PASD1: variants seen among roughly 807,000 people sequenced by gnomAD.
PASD1 encodes PAS domain containing repressor 1.
In PASD1, 13 loss-of-function variants were observed where a neutral mutation model predicts 58.8. The observed-to-expected ratio is 0.22, with a 90% CI of 0.14 to 0.35. The LOEUF is 0.35. Among genes scored for constraint, PASD1 ranks in the 10% least tolerant of loss-of-function variants. PASD1 has a pLI of 1.00. For synonymous variants in PASD1, 236 were observed against 216.7 expected (o/e 1.09, Z -0.78); for missense variants, 734 against 568.3 (o/e 1.29, Z -2.96).
intron 1 of PASD1, among the ~76,000 whole-genome samples, chrX:151,567,006 T>C (rs1393760699): frequency 9.2e-6 from 1 of 108,407 alleles, no homozygotes; most frequent in Non-Finnish European, 1.9e-5. Context: ...ATTGCACCAC[T>C]GCATTCCAGC....
intron 1 of PASD1, among the ~76,000 whole-genome samples, chrX:151,564,310 C>T (rs1340417438): frequency 1.8e-5 from 2 of 112,048 alleles, no homozygotes; most frequent in Non-Finnish European, 3.8e-5. Flanking sequence ...GCGCGTATAT[C>T]GAGAGGTTTG....
intron 4 of PASD1, among the ~76,000 whole-genome samples, chrX:151,614,193 C>T (rs1031382599): frequency 2.7e-5 from 3 of 110,852 alleles, no homozygotes; most frequent in Admixed American, 9.6e-5. Context: ...CCATGTTGGC[C>T]AAGCTGGTCT....
chrX:151,663,650 C>T (rs2014337520), intron 10 of PASD1, among the ~76,000 whole-genome samples: 1 of 111,931 alleles, frequency 8.9e-6, no homozygotes, highest in African/African-American at 3.3e-5. Flanking sequence ...TACCATTTTG[C>T]ATTATTCAAA....
intron 9 of PASD1, among the ~76,000 whole-genome samples, chrX:151,653,184 A>G (rs2014155096): frequency 1.1e-5 from 1 of 87,025 alleles, no homozygotes; most frequent in South Asian, 4.9e-4. Context: ...GTGTGTGTAT[A>G]TATATATATA....
At chrX:151,671,888 A>G (rs986868819) in intron 13 of PASD1, 109 bp downstream of exon 13, 1 of 887,343 alleles carries the variant, frequency 1.1e-6, no homozygotes, top group African/African-American at 2.0e-5. Context: ...CTTGGCTGCA[A>G]TTTATTTGCC....
chrX:151,605,898 T>C (rs1015332875), intron 3 of PASD1, among the ~76,000 whole-genome samples: 18 of 112,339 alleles, frequency 1.6e-4, no homozygotes, highest in African/African-American at 5.8e-4. Context: ...CTCTCAATTT[T>C]ATTAGAGGTT....
At position 151,672,301 on chromosome X, in the gene PASD1, A is replaced by C; in HGVS notation, c.1556A>C (p.Lys519Thr). The C allele has an allele frequency of 8.6e-7, 1 of 1,169,508 alleles. No homozygotes were observed. Among genetic ancestry groups the C allele is most frequent in the Non-Finnish European group, 1.1e-6 (1 of 874,107 alleles). Residue 519 changes from lysine (K) to threonine (T), a missense_variant, in exon 14 of 16, where the codon AAG (lysine) becomes ACG (threonine). Physicochemically the swap from Lys to Thr is moderately conservative, Grantham distance 78 (BLOSUM62 -1). Coordinates refer to ENST00000370357, the MANE Select transcript of PASD1 (RefSeq NM_173493.3). ...VQKQKKMQEK[K>T]KLQEQKMQEK... ...AAGCAGAAGAAGATGCAGGAGAAGA[A>C]GAAGCTGCAGGAGCAGAAAATGCAG... is the stretch of plus-strand genomic sequence containing the variant.
intron 1 of PASD1, among the ~76,000 whole-genome samples, chrX:151,594,795 G>T (rs974836939): frequency 1.8e-5 from 2 of 110,209 alleles, no homozygotes; most frequent in Admixed American, 1.9e-4. Context: ...CCTTCTACCT[G>T]AAGTACTTCC....
chrX:151,674,153 G>A lies in PASD1; in HGVS notation c.2142G>A (p.Gln714=). Residue 714 remains glutamine, a synonymous_variant, in exon 15 of 16, where the codon CAG becomes CAA. Transcript: ENST00000370357. ...TGAACACTTGGTCTTGCGATGAGCAGGGCACCCTGCACGGCCAACCCACCT... is the reference window on the plus strand; with the variant it reads ...TGAACACTTGGTCTTGCGATGAGCAAGGCACCCTGCACGGCCAACCCACCT... ...VQVNTWSCDE[Q]GTLHGQPTYH... 8.3e-7 allele frequency: 1 copy of A among 1,212,001 alleles called. No homozygotes were observed. The highest frequency in any genetic ancestry group is 1.1e-6 in the Non-Finnish European group (1 of 895,582).
chrX:151,586,761 A>T (rs757036206), intron 1 of PASD1, among the ~76,000 whole-genome samples: 1 of 111,278 alleles, frequency 9.0e-6, no homozygotes, highest in South Asian at 3.8e-4. Context: ...TCTGATTGTA[A>T]ATGTCCGGGG....
intron 8 of PASD1, among the ~76,000 whole-genome samples, chrX:151,626,267 CTT>C (rs1026242997): frequency 3.6e-5 from 4 of 111,770 alleles, no homozygotes; most frequent in African/African-American, 1.3e-4. Context: ...AGGCATTCCT[CTT>C]TTGTGAATCT....
At chrX:151,653,196 A>T (rs5924987) in intron 9 of PASD1, among the ~76,000 whole-genome samples, 24,110 of 84,509 alleles carry the variant, frequency 0.29, 3,237 homozygotes, top group East Asian at 0.85. Flanking sequence ...ATATATATAT[A>T]TTTTTTTTTT....
intron 11 of PASD1, among the ~76,000 whole-genome samples, chrX:151,664,649 A>G (rs1156936062): frequency 9.0e-6 from 1 of 111,502 alleles, no homozygotes; most frequent in Non-Finnish European, 1.9e-5. Flanking sequence ...TAAGAAGCTT[A>G]GCTGCTAAGA....
At position 151,661,097 on chromosome X, in the gene PASD1, G is replaced by A. The variant is rs757901325; in HGVS notation, c.841+1261G>A. Among the ~76,000 whole-genome samples the A allele has an allele frequency of 2.7e-5, 3 of 110,426 alleles. No homozygotes were observed. In the Admixed American group the frequency reaches 2.9e-4, roughly 11 times the overall value. Reference sequence around the variant, plus strand: ...ATGAACTCGGGAGGCGGGGCTTGCAGTGAGCCGAGCTCTTGCCACTGCACT... The same window carrying A: ...ATGAACTCGGGAGGCGGGGCTTGCAATGAGCCGAGCTCTTGCCACTGCACT... On this transcript the variant is annotated intron_variant, in intron 10 of 15. Transcript: ENST00000370357.
At chrX:151,599,605 GAC>G (rs1373247020) in intron 1 of PASD1, among the ~76,000 whole-genome samples, 1 of 106,664 alleles carries the variant, frequency 9.4e-6, no homozygotes, top group Non-Finnish European at 1.9e-5. Context: ...GCGGGGCAGA[GAC>G]ACTCCTCAGT....
intron 1 of PASD1, among the ~76,000 whole-genome samples, chrX:151,592,809 T>C (rs1005437656): frequency 8.9e-6 from 1 of 111,928 alleles, no homozygotes; most frequent in Non-Finnish European, 1.9e-5. Context: ...ATGTTCCATA[T>C]ACAGTGGAAG....
In PASD1 at chrX:151,672,224, G is replaced by GT. The variant is rs1179666068; in HGVS notation, c.1479_1480insT (p.Arg494SerfsTer82). On this transcript the variant is annotated frameshift_variant, in exon 14 of 16. Transcript: ENST00000370357. LOFTEE classifies it high-confidence loss of function. ...AAGAACAACACCTGAAGGAGCAGCA[G>GT]CGGCAGCTGCGGGAGCAGCTGCAAC... 8.8e-7 allele frequency: 1 copy of GT among 1,136,283 alleles called. No homozygotes were observed. Among genetic ancestry groups the GT allele is most frequent in the Non-Finnish European group, 1.2e-6 (1 of 850,759 alleles). The allele number at this position is 1,136,283 out of a possible 1,213,427, so 93.6% of individuals were successfully genotyped here.
At chrX:151,573,949 T>G (rs997664098) in intron 1 of PASD1, among the ~76,000 whole-genome samples, 3 of 112,344 alleles carry the variant, frequency 2.7e-5, no homozygotes, top group African/African-American at 9.7e-5. Flanking sequence ...AAATCATATA[T>G]TGAACTTCTT....
chrX:151,568,219 T>C (rs2012875978), intron 1 of PASD1, among the ~76,000 whole-genome samples: 1 of 112,202 alleles, frequency 8.9e-6, no homozygotes, highest in African/African-American at 3.2e-5. Context: ...TTATTTGATA[T>C]GTATTTATGG....
Sources: gnomAD v4.1 joint callset for allele counts (sites outside exome capture counted in the v4.1 genomes callset) on GRCh38, gnomAD v4.1.1 for gene constraint, MANE v1.5 for transcripts, NCBI Gene and HGNC (gene_info 2026-07-23, HGNC 2026-07-21) for gene names.